RELT: variants seen among roughly 807,000 people sequenced by gnomAD.
The protein encoded by RELT is RELT TNF receptor.
A neutral mutation model predicts 51.1 loss-of-function variants in RELT; 37 were observed. That is an observed-to-expected ratio of 0.72 (90% CI 0.56 to 0.95). The LOEUF is 0.95. Ranked by LOEUF, RELT falls within the 40% of genes least tolerant of loss-of-function variation. The pLI is 0.00. For synonymous variants in RELT, 241 were observed against 235.7 expected, an observed-to-expected ratio of 1.02 and a Z score of -0.21; for missense variants, 535 against 572.6, an observed-to-expected ratio of 0.93 and a Z score of 0.67.
chr11:73,377,870 C>T (rs1277130627), intron 1 of RELT, among the ~76,000 whole-genome samples: 1 of 152,088 alleles, frequency 6.6e-6, no homozygotes, highest in Non-Finnish European at 1.5e-5. Context: ...CCTGGGGACA[C>T]AGCGGCCCAG....
At position 73,393,718 on chromosome 11, in the gene RELT, A is replaced by C. The variant is rs532057593; in HGVS notation, c.626-119A>C. Reference sequence around the variant, plus strand: ...AGGGCTCTGGGAGGCTTGTCACCTAAATGCACATGCTCAGGGCCCTTAAGA... The same window carrying C: ...AGGGCTCTGGGAGGCTTGTCACCTACATGCACATGCTCAGGGCCCTTAAGA... On this transcript the variant is annotated intron_variant, in intron 6 of 10. Transcript: ENST00000064780. The C allele has an allele frequency of 7.0e-5, 109 of 1,568,336 alleles. No homozygotes were observed. In the South Asian group the frequency reaches 1.1e-3, roughly 17 times the overall value.
At chr11:73,384,583 G>C (rs1034768883) in intron 1 of RELT, 7 of 152,566 alleles carry the variant, frequency 4.6e-5, no homozygotes, top group Admixed American at 2.6e-4. Flanking sequence ...GTGCAAGACA[G>C]AGCAGAGCAG....
chr11:73,390,652 G>C, intron 3 of RELT, 27 bp downstream of exon 3: 1 of 1,612,838 alleles, frequency 6.2e-7, no homozygotes, highest in Non-Finnish European at 8.5e-7. Context: ...TCTCCTGCCT[G>C]TCCTGGGAGG....
intron 1 of RELT, among the ~76,000 whole-genome samples, chr11:73,380,695 G>A (rs1346304818): frequency 1.3e-5 from 2 of 152,224 alleles, no homozygotes; most frequent in African/African-American, 4.8e-5. Context: ...TCAGCACCCA[G>A]TCTGGCTGGG....
chr11:73,391,260 T>C, intron 5 of RELT, 37 bp downstream of exon 5: 1 of 1,583,856 alleles, frequency 6.3e-7, no homozygotes, highest in Non-Finnish European at 8.6e-7. Flanking sequence ...GGTGCAGGGG[T>C]ATGTGCGGGA....
chr11:73,380,342 T>G (rs112423690), intron 1 of RELT, among the ~76,000 whole-genome samples: 1 of 152,138 alleles, frequency 6.6e-6, no homozygotes, highest in Non-Finnish European at 1.5e-5. Flanking sequence ...GGGCAAAGAC[T>G]CACGGCCACT....
In RELT at chr11:73,395,126, A is replaced by G; in HGVS notation, c.1086A>G (p.Ser362=). The G allele has an allele frequency of 1.9e-6, 3 of 1,613,680 alleles. No homozygotes were observed. The highest frequency in any genetic ancestry group is 2.5e-6 in the Non-Finnish European group (3 of 1,180,020). Residue 362 remains serine, a synonymous_variant, in exon 10 of 11, where the codon TCA becomes TCG. Transcript: ENST00000064780. ...GAATTCCTGAGCAGCGGACAAGTTC[A>G]ATGGTGTCTGAGGTGAAGACCATCA... ...VARIPEQRTS[S]MVSEVKTITE...
At chr11:73,392,957 A>G (rs1866242859) in intron 6 of RELT, 1 of 1,004,362 alleles carries the variant, frequency 1.0e-6, no homozygotes, top group South Asian at 4.3e-5. Flanking sequence ...AGGGACAGGC[A>G]TGCGCCACCA....
At chr11:73,386,947 CTTT>C (rs982762129) in intron 1 of RELT, among the ~76,000 whole-genome samples, 6 of 138,964 alleles carry the variant, frequency 4.3e-5, no homozygotes, top group Non-Finnish European at 4.7e-5. Context: ...CTGGCTTTGT[CTTT>C]TTTTTTTTTT....
chr11:73,389,797 G>A (rs1029850486), intron 2 of RELT, among the ~76,000 whole-genome samples: 21 of 152,322 alleles, frequency 1.4e-4, no homozygotes, highest in South Asian at 1.0e-3. Flanking sequence ...GCTGGGAGCC[G>A]CTCTGGGGTC....
chr11:73,394,300 C>T lies in RELT; in HGVS notation c.771C>T (p.Ser257=). 6.2e-7 allele frequency: 1 copy of T among 1,613,050 alleles called. No individual in the cohort carries two copies. Among genetic ancestry groups the T allele is most frequent in the Admixed American group, 1.7e-5 (1 of 59,996 alleles). Residue 257 remains serine (S), a synonymous_variant, in exon 8 of 11, where the codon AGC becomes AGT. Transcript: ENST00000064780. The surrounding 1 kb of genome is among the most constrained non-coding windows in gnomAD (Gnocchi z 4.9). ...ACAGCAAACAGCTGGTGCAGACGAG[C>T]CACAGGCCTGTGTCCAAGTGAGTGG... The part of the protein sequence containing the change: ...EYHSKQLVQT[S]HRPVSKLPPA...
Position 73,394,455 on chromosome 11 carries a change from C to G in RELT, c.789-22C>G. On this transcript the variant is annotated intron_variant, in intron 8 of 10. Coordinates refer to ENST00000064780, the MANE Select transcript of RELT (RefSeq NM_152222.2). The surrounding 1 kb of genome is among the most constrained non-coding windows in gnomAD (Gnocchi z 4.9). ...CTGCCCCTGGCCTGGCCTATGGCCA[C>G]TTCTGCCTGTGCCCCCTGCAGGCTG... 9.9e-6 allele frequency: 16 copies of G among 1,609,592 alleles called. No homozygotes were observed. The highest frequency in any genetic ancestry group is 1.4e-5 in the Non-Finnish European group (16 of 1,177,238).
At chr11:73,391,912 T>C in intron 5 of RELT, 3 of 521,160 alleles carry the variant, frequency 5.8e-6, no homozygotes, top group South Asian at 2.3e-5. Context: ...CCCACGTCCC[T>C]GTGCCCAGAC....
At position 73,395,640 on chromosome 11, in the gene RELT, G is replaced by T; in HGVS notation, c.*149G>T. On this transcript the variant is annotated 3_prime_UTR_variant, in exon 11 of 11. Transcript: ENST00000064780. ...CAAAGACCAAGGCCTGGAGGTGGGA[G>T]CGTCTGCCCCAGTGAGGAGGCAGGT... 1 of 688,466 alleles carries T rather than the reference G, an allele frequency of 1.5e-6. No individual in the cohort carries two copies. The highest frequency in any genetic ancestry group is 2.7e-6 in the Non-Finnish European group (1 of 374,562). 42.6% of individuals were successfully genotyped at this position (688,466 alleles called of 1,614,324 possible).
At chr11:73,379,809 T>C (rs910118918) in intron 1 of RELT, among the ~76,000 whole-genome samples, 2 of 152,186 alleles carry the variant, frequency 1.3e-5, no homozygotes, top group Non-Finnish European at 2.9e-5. Flanking sequence ...CAGAGTGACC[T>C]CCATAAAATA....
In RELT at chr11:73,391,139, C is replaced by T. The variant is rs758192543; in HGVS notation, c.288-5C>T. The T allele has an allele frequency of 8.7e-6, 14 of 1,612,652 alleles. No homozygotes were observed. The highest frequency in any genetic ancestry group is 1.7e-5 in the Admixed American group (1 of 59,850). On this transcript the variant is annotated splice_polypyrimidine_tract_variant and splice_region_variant and intron_variant, in intron 4 of 10. Coordinates refer to ENST00000064780, the MANE Select transcript of RELT (RefSeq NM_152222.2). ...GGGCCTCAGTGGTATCTTCCCTCCT[C>T]GCAGGTGGTTTGGGCCTTGGGGGGT...
chr11:73,391,084 C>T, intron 4 of RELT, 60 bp from the exon 5 acceptor site: 1 of 1,568,544 alleles, frequency 6.4e-7, no homozygotes, highest in Non-Finnish European at 8.8e-7. Flanking sequence ...AATCCAGCCT[C>T]TCCTAAGGAT....
At chr11:73,381,919 G>A (rs931097415) in intron 1 of RELT, among the ~76,000 whole-genome samples, 11 of 152,148 alleles carry the variant, frequency 7.2e-5, no homozygotes, top group Non-Finnish European at 1.0e-4. Flanking sequence ...GGGTGACCTC[G>A]GCTGGCTGTT....
chr11:73,387,048 C>T (rs1230014030), intron 1 of RELT, among the ~76,000 whole-genome samples: 3 of 151,882 alleles, frequency 2.0e-5, no homozygotes, highest in South Asian at 2.1e-4. Context: ...CAGGTTCAAG[C>T]GATTCCCCTG....
Sources: gnomAD v4.1 joint callset for allele counts (sites outside exome capture counted in the v4.1 genomes callset) on GRCh38, gnomAD v4.1.1 for gene constraint, Gnocchi (gnomAD v3.1) non-coding constraint, MANE v1.5 for transcripts, NCBI Gene and HGNC (gene_info 2026-07-23, HGNC 2026-07-21) for gene names.